Variants in ADGRV1 observed in about 807,000 individuals in gnomAD.
The protein encoded by ADGRV1 is G-protein coupled receptor 98.
In ADGRV1, 359 loss-of-function variants were observed where a neutral mutation model predicts 596.2. That is an observed-to-expected ratio of 0.60 (90% confidence interval 0.55 to 0.66). The LOEUF is 0.66. Among genes scored for constraint, ADGRV1 ranks in the 30% least tolerant of loss-of-function variants. The probability of loss-of-function intolerance (pLI) is 0.00; values close to 1 mark genes in which losing one functional copy is unlikely to be tolerated. For synonymous variants in ADGRV1, 2,681 were observed against 2,679.2 expected, an observed-to-expected ratio of 1.00 and a Z score of -0.02; for missense variants, 7,274 against 7,575.6, an observed-to-expected ratio of 0.96 and a Z score of 1.48.
At chr5:91,069,645 A>T (rs765709104) in intron 85 of ADGRV1, among the ~76,000 whole-genome samples, 4 of 152,044 alleles carry the variant, frequency 2.6e-5, no homozygotes, top group Non-Finnish European at 2.9e-5. Context: ...AAGTGAATGC[A>T]TGTGCACTAT....
rs192331544 is a variant in ADGRV1, at chr5:90,687,488, C to T, written c.6490+1493C>T. Among the ~76,000 whole-genome samples the T allele has an allele frequency of 2.0e-3, 311 of 152,200 alleles. 3 individuals carry two copies. The highest frequency in any genetic ancestry group is 7.1e-3 in the African/African-American group (294 of 41,510). ...GAAGCATTCCCTTTGAAAACTGGCA[C>T]AAGACAGGGATGCCCTCTCTCACCA... On this transcript the variant is annotated intron_variant, in intron 29 of 89. Coordinates refer to ENST00000405460, the MANE Select transcript of ADGRV1 (RefSeq NM_032119.4).
rs1009673648 is a variant in ADGRV1, at chr5:90,778,673, T to G, written c.12849+64T>G. On this transcript the variant is annotated intron_variant, in intron 63 of 89. Coordinates refer to ENST00000405460, the MANE Select transcript of ADGRV1 (RefSeq NM_032119.4). ...ATTTTTAGATATGAAAATGTTTTCT[T>G]GTTTCTATTCCAGAGTTTTCATAAA... 4 of 1,341,268 alleles carry G rather than the reference T, an allele frequency of 3.0e-6. No individual in the cohort carries two copies. The African/African-American group carries it at 5.9e-5, about 20-fold the overall frequency. 83.1% of individuals were successfully genotyped at this position (1,341,268 alleles called of 1,614,324 possible). A position where few individuals can be genotyped will look rare whatever the true frequency, so the allele number is the denominator to read the frequency against.
At chr5:90,874,137 C>T (rs1768984251) in intron 83 of ADGRV1, among the ~76,000 whole-genome samples, 1 of 152,162 alleles carries the variant, frequency 6.6e-6, no homozygotes, top group South Asian at 2.1e-4. Context: ...TCTGCCCATT[C>T]TCTGATCTCA....
intron 4 of ADGRV1, among the ~76,000 whole-genome samples, chr5:90,621,387 G>C (rs189594755): frequency 1.5e-3 from 221 of 152,234 alleles, no homozygotes; most frequent in African/African-American, 5.2e-3. Context: ...GCCAACCTCA[G>C]TTTAGTAGAA....
intron 1 of ADGRV1, among the ~76,000 whole-genome samples, chr5:90,567,605 T>C (rs990773174): frequency 3.9e-5 from 6 of 152,194 alleles, no homozygotes; most frequent in Non-Finnish European, 8.8e-5. Flanking sequence ...TAATTGTTCA[T>C]GGTCATGCTT....
chr5:90,969,685 G>A (rs930488100), intron 84 of ADGRV1, among the ~76,000 whole-genome samples: 1 of 152,192 alleles, frequency 6.6e-6, no homozygotes, highest in South Asian at 2.1e-4. Flanking sequence ...TGCTCTTCAT[G>A]TAAGATCACT....
intron 85 of ADGRV1, among the ~76,000 whole-genome samples, chr5:91,003,468 T>C (rs1782006658): frequency 6.6e-6 from 1 of 152,208 alleles, no homozygotes; most frequent in African/African-American, 2.4e-5. Flanking sequence ...TTTATATGAC[T>C]ATCTGACAGT....
At chr5:91,161,247 C>A (rs10069710) in intron 89 of ADGRV1, among the ~76,000 whole-genome samples, 145,891 of 152,276 alleles carry the variant, frequency 0.96, 69,926 homozygotes, top group East Asian at 1. Context: ...GGTTCTTCCA[C>A]ATAACACGGT....
chr5:91,148,137 G>A (rs1008441310), intron 87 of ADGRV1, among the ~76,000 whole-genome samples: 7 of 152,172 alleles, frequency 4.6e-5, no homozygotes, highest in Non-Finnish European at 7.4e-5. Context: ...AAGCATAAAC[G>A]TTTGGAAAAT....
intron 87 of ADGRV1, among the ~76,000 whole-genome samples, chr5:91,114,598 A>G (rs1205907660): frequency 6.6e-6 from 1 of 152,106 alleles, no homozygotes; most frequent in Non-Finnish European, 1.5e-5. Context: ...AGGTTAACCA[A>G]TCTATTTATA....
Position 90,993,851 on chromosome 5 carries a change from T to C in ADGRV1, c.18152+8329T>C, listed in dbSNP as rs565584893. Reference sequence around the variant, plus strand: ...TCCTCCTCTCCTCTGAGTCTTTTATTATGCATATATTGGTACATTTGATGC... The same window carrying C: ...TCCTCCTCTCCTCTGAGTCTTTTATCATGCATATATTGGTACATTTGATGC... On this transcript the variant is annotated intron_variant, in intron 85 of 89. Coordinates refer to ENST00000405460, the MANE Select transcript of ADGRV1 (RefSeq NM_032119.4). 2.6e-5 allele frequency among the ~76,000 whole-genome samples: 4 copies of C among 152,290 alleles called. No individual in the cohort carries two copies. The South Asian group carries it at 8.3e-4, about 32-fold the overall frequency.
intron 85 of ADGRV1, among the ~76,000 whole-genome samples, chr5:91,069,886 A>G (rs187270236): frequency 0.012 from 1,751 of 151,764 alleles, 17 homozygotes; most frequent in Middle Eastern, 0.027. Flanking sequence ...GGTTGGATAG[A>G]GAAAATGTGG....
chr5:90,678,177 T>C (rs1744488416), intron 25 of ADGRV1, among the ~76,000 whole-genome samples: 1 of 152,030 alleles, frequency 6.6e-6, no homozygotes, highest in African/African-American at 2.4e-5. Context: ...TCCCATCCTA[T>C]TGACAGGCAA....
At chr5:90,705,285 A>G in intron 36 of ADGRV1, 115 bp from the exon 37 acceptor site, 1 of 802,254 alleles carries the variant, frequency 1.2e-6, no homozygotes. Flanking sequence ...AAGATTTGTT[A>G]GAGAAGTAAA....
intron 75 of ADGRV1, among the ~76,000 whole-genome samples, chr5:90,818,228 T>C (rs1254920503): frequency 6.6e-6 from 1 of 151,562 alleles, no homozygotes; most frequent in Non-Finnish European, 1.5e-5. Flanking sequence ...CTGTTGTTGG[T>C]GTGTAAGAAT....
rs1371915187 is a variant in ADGRV1 at position 90,585,158 on chromosome 5, A to G, written c.22+26241A>G. 2.6e-5 allele frequency among the ~76,000 whole-genome samples: 4 copies of G among 152,214 alleles called. No individual in the cohort carries two copies. In the East Asian group the frequency reaches 7.7e-4, roughly 29 times the overall value. On this transcript the variant is annotated intron_variant, in intron 1 of 89. Transcript: ENST00000405460. ...AAATGAGTTGTGAGAAATTATCCAA[A>G]CACAAAATTTCAAAGAATATAACAA...
chr5:90,680,399 G>A (rs1281993061), intron 26 of ADGRV1, among the ~76,000 whole-genome samples: 1 of 151,634 alleles, frequency 6.6e-6, no homozygotes, highest in Admixed American at 6.6e-5. Context: ...AAATAAATAA[G>A]GAAGAAAATA....
At chr5:91,010,907 A>G (rs1013363328) in intron 85 of ADGRV1, among the ~76,000 whole-genome samples, 3 of 151,992 alleles carry the variant, frequency 2.0e-5, no homozygotes, top group African/African-American at 7.2e-5. Flanking sequence ...TAGAATTTCA[A>G]TATCATTTGA....
At chr5:90,730,148 C>T (rs375739658) in intron 50 of ADGRV1, among the ~76,000 whole-genome samples, 115 of 152,304 alleles carry the variant, frequency 7.6e-4, no homozygotes, top group African/African-American at 2.2e-3. Context: ...TGAGCCACCA[C>T]GCCCAGCCGA....
Sources: allele counts gnomAD v4.1 joint callset (sites outside exome capture counted in the v4.1 genomes callset), GRCh38; gene constraint gnomAD v4.1.1; transcripts MANE v1.5; gene names NCBI Gene and HGNC (gene_info 2026-07-23, HGNC 2026-07-21).